Variants in USP10 observed in about 807,000 individuals in gnomAD.
The protein encoded by USP10 is ubiquitin carboxyl-terminal hydrolase 10.
In USP10, 22 loss-of-function variants were observed where a neutral mutation model predicts 84.5. The ratio of observed to expected loss-of-function variants is 0.26; its 90% CI spans 0.19 to 0.37. The LOEUF is 0.37. Among genes scored for constraint, USP10 ranks in the 10% least tolerant of loss-of-function variants. USP10 has a pLI of 1.00. For missense variants in USP10, 1,019 were observed against 998.9 expected, an observed-to-expected ratio of 1.02 and a Z score of -0.27; for synonymous variants, 454 against 387.6, an observed-to-expected ratio of 1.17 and a Z score of -2.01.
chr16:84,768,692 A>T (rs114576342), intron 11 of USP10, among the ~76,000 whole-genome samples: 1 of 152,196 alleles, frequency 6.6e-6, no homozygotes, highest in Admixed American at 6.5e-5. Context: ...TATGTTCATG[A>T]TACCGTAGGG....
intron 8 of USP10, among the ~76,000 whole-genome samples, chr16:84,761,026 G>A (rs1541698): frequency 0.32 from 49,274 of 152,040 alleles, 8,937 homozygotes; most frequent in East Asian, 0.64. Context: ...ATACCACCAG[G>A]GGTAGCATAG....
At chr16:84,727,149 G>A (rs878944517) in intron 1 of USP10, among the ~76,000 whole-genome samples, 1 of 152,092 alleles carries the variant, frequency 6.6e-6, no homozygotes, top group Admixed American at 6.5e-5. Flanking sequence ...AAGAAACGAT[G>A]AACTTACTCG....
intron 9 of USP10, 36 bp from the exon 10 acceptor site, chr16:84,764,050 G>C (rs757659799): frequency 1.9e-6 from 3 of 1,559,768 alleles, no homozygotes; most frequent in Non-Finnish European, 2.6e-6. Context: ...TGTTCTTGTC[G>C]TAAATAGTAG....
chr16:84,772,378 G>C (rs1914545277), intron 11 of USP10, among the ~76,000 whole-genome samples, 163 bp from the exon 12 acceptor site: 1 of 152,140 alleles, frequency 6.6e-6, no homozygotes, highest in South Asian at 2.1e-4. Flanking sequence ...GAGGAGCATT[G>C]GTAGATCTCA....
intron 13 of USP10, 53 bp downstream of exon 13, chr16:84,775,278 T>A (rs1914882622): frequency 1.3e-6 from 2 of 1,575,480 alleles, no homozygotes; most frequent in Non-Finnish European, 1.7e-6. Context: ...ATGAAGGGGT[T>A]TACAGCTGGG....
At chr16:84,749,133 G>T (rs970559330) in intron 4 of USP10, among the ~76,000 whole-genome samples, 1 of 152,184 alleles carries the variant, frequency 6.6e-6, no homozygotes, top group Admixed American at 6.5e-5. Flanking sequence ...ATCATATAGG[G>T]CTTAGGGAGA....
intron 1 of USP10, among the ~76,000 whole-genome samples, chr16:84,726,693 C>T (rs1300249929): frequency 4.6e-5 from 7 of 152,148 alleles, no homozygotes; most frequent in East Asian, 1.9e-4. Flanking sequence ...TTTGAAAGCC[C>T]GGGATGGAGG....
At chr16:84,741,508 C>A (rs1300997117) in intron 3 of USP10, among the ~76,000 whole-genome samples, 1 of 152,246 alleles carries the variant, frequency 6.6e-6, no homozygotes, top group Non-Finnish European at 1.5e-5. Context: ...CCATGCACAT[C>A]ACTTCTTTGA....
chr16:84,762,501 G>T (rs1159047395), intron 8 of USP10, among the ~76,000 whole-genome samples: 1 of 152,166 alleles, frequency 6.6e-6, no homozygotes, highest in Non-Finnish European at 1.5e-5. Flanking sequence ...GACCAGCCTG[G>T]CCGACATGGT....
rs373784945 is a variant in USP10 at position 84,750,695 on chromosome 16, G to A, written c.1192+5022G>A. 2.0e-5 allele frequency among the ~76,000 whole-genome samples: 3 copies of A among 152,130 alleles called. No homozygotes were observed. In the East Asian group the frequency reaches 5.8e-4, roughly 29 times the overall value. ...TCACAAATAGAGCCATTTTGTATTTGATGTTTTGCTTTCAAAATTATGCAA... is the reference window on the plus strand; with the variant it reads ...TCACAAATAGAGCCATTTTGTATTTAATGTTTTGCTTTCAAAATTATGCAA... On this transcript the variant is annotated intron_variant, in intron 4 of 13. Transcript: ENST00000219473.
chr16:84,775,710 G>C (rs934502638), intron 13 of USP10, among the ~76,000 whole-genome samples: 3 of 152,202 alleles, frequency 2.0e-5, no homozygotes, highest in Admixed American at 2.0e-4. Flanking sequence ...CAGGCCCTCA[G>C]TCAGTCATGA....
chr16:84,720,280 C>G (rs1907611285), intron 1 of USP10, among the ~76,000 whole-genome samples: 1 of 152,218 alleles, frequency 6.6e-6, no homozygotes, highest in South Asian at 2.1e-4. Flanking sequence ...AGCTGGCCTT[C>G]TGTTGGTCCG....
rs113596803 is a variant in USP10 at position 84,719,449 on chromosome 16, C to T, written c.22-13986C>T. ...GAAGTGTTTAAAATGCTAAATGAGG[C>T]CTGGACTCCACCCTAGACCACTGAA... On this transcript the variant is annotated intron_variant, in intron 1 of 13. Coordinates refer to ENST00000219473, the MANE Select transcript of USP10 (RefSeq NM_005153.3). Among the ~76,000 whole-genome samples the T allele has an allele frequency of 1.4e-3, 211 of 152,242 alleles. 2 individuals carry two copies. The highest frequency in any genetic ancestry group is 3.4e-3 in the Middle Eastern group (1 of 294).
intron 4 of USP10, 90 bp downstream of exon 4, chr16:84,745,763 G>A: frequency 7.5e-7 from 1 of 1,342,088 alleles, no homozygotes; most frequent in Non-Finnish European, 1.0e-6. Flanking sequence ...CATAACAATG[G>A]CAGATTACCT....
intron 4 of USP10, among the ~76,000 whole-genome samples, chr16:84,754,914 G>A (rs1416763030): frequency 2.0e-5 from 3 of 152,022 alleles, no homozygotes; most frequent in African/African-American, 7.3e-5. Context: ...TCCAAGGCAG[G>A]CGGATTGCTT....
chr16:84,739,534 C>A (rs8056348), intron 2 of USP10, among the ~76,000 whole-genome samples: 91,802 of 151,808 alleles, frequency 0.6, 28,512 homozygotes, highest in Non-Finnish European at 0.69. Flanking sequence ...CAGCCTCCCT[C>A]ATTGCTGGGA....
chr16:84,767,797 T>A (rs1429912934), intron 10 of USP10, among the ~76,000 whole-genome samples: 1 of 151,998 alleles, frequency 6.6e-6, no homozygotes, highest in African/African-American at 2.4e-5. Context: ...TTTATTTTTT[T>A]ATTGATAATT....
intron 4 of USP10, among the ~76,000 whole-genome samples, chr16:84,747,768 T>C (rs1256118179): frequency 6.6e-6 from 1 of 151,924 alleles, no homozygotes; most frequent in Non-Finnish European, 1.5e-5. Context: ...GGTTTCACCA[T>C]GCTGCCCAGG....
intron 2 of USP10, among the ~76,000 whole-genome samples, chr16:84,739,832 C>T (rs993412302): frequency 6.6e-6 from 1 of 152,158 alleles, no homozygotes; most frequent in Non-Finnish European, 1.5e-5. Flanking sequence ...GTTTATAGTG[C>T]GCTTTCCTCT....
Sources: allele counts gnomAD v4.1 joint callset (sites outside exome capture counted in the v4.1 genomes callset), GRCh38; gene constraint gnomAD v4.1.1; transcripts MANE v1.5; gene names NCBI Gene and HGNC (gene_info 2026-07-23, HGNC 2026-07-21).